INPP5F: variants seen among roughly 807,000 people sequenced by gnomAD.
INPP5F encodes phosphatidylinositide 4-phosphatase SAC2.
A neutral mutation model predicts 137.2 loss-of-function variants in INPP5F; 97 were observed. The observed-to-expected ratio is 0.71, with a 90% CI of 0.60 to 0.84. The LOEUF (loss-of-function observed/expected upper bound fraction) is 0.84, where lower values mean the gene tolerates loss of function less well. Among genes scored for constraint, INPP5F ranks in the 40% least tolerant of loss-of-function variants. The pLI, the probability that INPP5F is intolerant of heterozygous loss-of-function variation, is 0.00. For missense variants in INPP5F, 1,271 were observed against 1,371.9 expected (o/e 0.93, Z 1.16); for synonymous variants, 504 against 476.9 (o/e 1.06, Z -0.74).
chr10:119,771,851 T>TAG (rs1849348476), intron 2 of INPP5F, among the ~76,000 whole-genome samples: 1 of 5,312 alleles, frequency 1.9e-4, no homozygotes, highest in Non-Finnish European at 3.7e-4. Context: ...TGGAGATATA[T>TAG]ATATATATAT....
intron 14 of INPP5F, among the ~76,000 whole-genome samples, chr10:119,810,585 T>G (rs949153949): frequency 2.6e-5 from 4 of 152,224 alleles, no homozygotes; most frequent in African/African-American, 9.6e-5. Flanking sequence ...ACCAGATTAT[T>G]TTTCCTGTAT....
intron 15 of INPP5F, among the ~76,000 whole-genome samples, chr10:119,812,817 C>G (rs1415288357): frequency 2.0e-5 from 3 of 151,544 alleles, no homozygotes; most frequent in Non-Finnish European, 4.4e-5. Flanking sequence ...CACAACCTAG[C>G]AGAAGGTTTT....
At chr10:119,739,354 TAAATA>T (rs1383657297) in intron 1 of INPP5F, among the ~76,000 whole-genome samples, 1 of 152,180 alleles carries the variant, frequency 6.6e-6, no homozygotes, top group African/African-American at 2.4e-5. Flanking sequence ...AATAAATACA[TAAATA>T]AAAGTGCCTG....
rs1063217 is a variant in INPP5F at position 119,826,814 on chromosome 10, G to C, written c.2433G>C (p.Met811Ile). The C allele has an allele frequency of 6.2e-7, 1 of 1,613,478 alleles. No homozygotes were observed. Among genetic ancestry groups the C allele is most frequent in the Non-Finnish European group, 8.5e-7 (1 of 1,179,914 alleles). Residue 811 changes from methionine to isoleucine, a missense_variant, in exon 20 of 20, where the codon ATG becomes ATC. Coordinates refer to ENST00000650623, the MANE Select transcript of INPP5F (RefSeq NM_014937.4). ...TAGGAAACTTTACCAAACCTGAAAT[G>C]AAAGTTAACTTTCTAAAACCAAACT... ...RKLGNFTKPE[M>I]KVNFLKPNLK...
intron 2 of INPP5F, among the ~76,000 whole-genome samples, chr10:119,780,075 G>A (rs1055256054): frequency 4.6e-5 from 7 of 152,238 alleles, no homozygotes; most frequent in Non-Finnish European, 8.8e-5. Flanking sequence ...TGTGAAATGT[G>A]TCATGCTACA....
chr10:119,801,111 G>T (rs557265934), intron 9 of INPP5F, among the ~76,000 whole-genome samples: 3 of 152,252 alleles, frequency 2.0e-5, no homozygotes, highest in Non-Finnish European at 4.4e-5. Flanking sequence ...CAACCTAATT[G>T]TTCATCAGGA....
At chr10:119,745,676 C>CTCCA (rs1205055696) in intron 1 of INPP5F, among the ~76,000 whole-genome samples, 10 of 146,278 alleles carry the variant, frequency 6.8e-5, no homozygotes, top group Admixed American at 1.4e-4. Context: ...TTGCCATGGT[C>CTCCA]TCCAGGAAGC....
chr10:119,726,787 C>A (rs1224878080), intron 1 of INPP5F, among the ~76,000 whole-genome samples: 1 of 152,250 alleles, frequency 6.6e-6, no homozygotes, highest in Non-Finnish European at 1.5e-5. Context: ...GCGCCAGTTC[C>A]GTCTAGGGCT....
intron 1 of INPP5F, among the ~76,000 whole-genome samples, chr10:119,731,421 T>C (rs911874061): frequency 2.0e-5 from 3 of 152,196 alleles, no homozygotes; most frequent in East Asian, 1.9e-4. Context: ...CCCAGCACTT[T>C]GGAAGGCCGA....
intron 2 of INPP5F, among the ~76,000 whole-genome samples, chr10:119,761,685 T>C (rs1238215096): frequency 1.3e-5 from 2 of 151,956 alleles, no homozygotes; most frequent in Non-Finnish European, 2.9e-5. Context: ...CATGCATAAA[T>C]GTGCATAAAA....
chr10:119,739,597 G>A (rs1848315475), intron 1 of INPP5F, among the ~76,000 whole-genome samples: 1 of 152,218 alleles, frequency 6.6e-6, no homozygotes, highest in Non-Finnish European at 1.5e-5. Context: ...ATAAACTGAT[G>A]GAGGGATTCA....
chr10:119,754,605 T>C (rs1848782408), intron 2 of INPP5F, among the ~76,000 whole-genome samples: 3 of 152,142 alleles, frequency 2.0e-5, no homozygotes, highest in Admixed American at 2.0e-4. Flanking sequence ...TTTTTTTCCT[T>C]CTTCTTGTCA....
At chr10:119,821,336 A>ATGTG (rs1851550978) in intron 16 of INPP5F, among the ~76,000 whole-genome samples, 1 of 118,210 alleles carries the variant, frequency 8.5e-6, no homozygotes, top group East Asian at 2.3e-4. Flanking sequence ...TTATGCAATA[A>ATGTG]CGTGTGTGTG....
At chr10:119,775,657 G>T (rs1030666306) in intron 2 of INPP5F, among the ~76,000 whole-genome samples, 6 of 130,664 alleles carry the variant, frequency 4.6e-5, no homozygotes, top group Non-Finnish European at 1.0e-4. Flanking sequence ...GACAAGTACA[G>T]AGTCATTGGA....
At chr10:119,802,938 C>A (rs773509655) in intron 9 of INPP5F, among the ~76,000 whole-genome samples, 5 of 152,110 alleles carry the variant, frequency 3.3e-5, no homozygotes, top group African/African-American at 4.8e-5. Context: ...AATTGCATTT[C>A]TTTGAGTATT....
chr10:119,729,425 G>A (rs1263178668), intron 1 of INPP5F, among the ~76,000 whole-genome samples: 1 of 152,128 alleles, frequency 6.6e-6, no homozygotes, highest in African/African-American at 2.4e-5. Flanking sequence ...GGGATTATAG[G>A]CTTGACCCAC....
chr10:119,806,596 T>C (rs2134245414), intron 12 of INPP5F, 116 bp downstream of exon 12: 1 of 942,044 alleles, frequency 1.1e-6, no homozygotes, highest in South Asian at 2.3e-5. Flanking sequence ...ACATTTACAA[T>C]ATACAAACAC....
At chr10:119,778,076 G>A (rs942815578) in intron 2 of INPP5F, among the ~76,000 whole-genome samples, 2 of 151,854 alleles carry the variant, frequency 1.3e-5, no homozygotes, top group African/African-American at 4.8e-5. Context: ...GTGCCGTCTC[G>A]GCTCACTGCA....
At chr10:119,820,002 A>T (rs1343208111) in intron 15 of INPP5F, among the ~76,000 whole-genome samples, 1 of 152,214 alleles carries the variant, frequency 6.6e-6, no homozygotes, top group Non-Finnish European at 1.5e-5. Context: ...TTACAGTGGA[A>T]TTTGGAGACC....
Sources: allele counts gnomAD v4.1 joint callset (sites outside exome capture counted in the v4.1 genomes callset), GRCh38; gene constraint gnomAD v4.1.1; transcripts MANE v1.5; gene names NCBI Gene and HGNC (gene_info 2026-07-23, HGNC 2026-07-21).